ZC3H12B: variants seen among roughly 807,000 people sequenced by gnomAD.
ZC3H12B encodes the protein zinc finger CCCH-type containing 12B.
ZC3H12B carries 7 observed loss-of-function variants against 43.9 expected under a neutral mutation model. That is an observed-to-expected ratio of 0.16 (90% CI 0.09 to 0.30). The LOEUF (loss-of-function observed/expected upper bound fraction) is 0.30, where lower values mean the gene tolerates loss of function less well. ZC3H12B is among the 10% of genes least tolerant of loss of function. ZC3H12B has a pLI of 1.00. For synonymous variants in ZC3H12B, 222 were observed against 241.7 expected, an observed-to-expected ratio of 0.92 and a Z score of 0.76; for missense variants, 475 against 670.2, an observed-to-expected ratio of 0.71 and a Z score of 3.22.
At chrX:65,327,949 GT>G in the ZC3H12B span, 3 of 157,926 alleles carry the variant, frequency 1.9e-5, no homozygotes, top group African/African-American at 9.4e-5. Context: ...ACAAAAATAT[GT>G]TTACATAGAT....
At chrX:65,047,572 TTCTG>T in the ZC3H12B span, among the ~76,000 whole-genome samples, 3 of 111,352 alleles carry the variant, frequency 2.7e-5, no homozygotes, top group Non-Finnish European at 3.8e-5. Context: ...CTCTAATTTG[TTCTG>T]TCTTTCTCTG....
chrX:65,073,122 A>G, the ZC3H12B span, among the ~76,000 whole-genome samples: 2 of 111,985 alleles, frequency 1.8e-5, no homozygotes, highest in African/African-American at 6.5e-5. Flanking sequence ...CTGCAATGGT[A>G]TGGTTGGGGG....
chrX:65,496,231 T>G (rs2148234984), intron 1 of ZC3H12B, among the ~76,000 whole-genome samples: 1 of 112,278 alleles, frequency 8.9e-6, no homozygotes, highest in Admixed American at 9.5e-5. Flanking sequence ...ATCTTAAAAT[T>G]TTCATGAATA....
intron 3 of ZC3H12B, among the ~76,000 whole-genome samples, chrX:65,453,298 CAT>C (rs374901211): frequency 1.7e-4 from 17 of 97,414 alleles, no homozygotes; most frequent in Admixed American, 8.3e-4. Flanking sequence ...GTTGCACACA[CAT>C]GTTTATAGGC....
chrX:65,181,075 A>G, the ZC3H12B span, among the ~76,000 whole-genome samples: 1 of 111,482 alleles, frequency 9.0e-6, no homozygotes, highest in Non-Finnish European at 1.9e-5. Flanking sequence ...ATGGAACATA[A>G]CAGAGGCCTC....
chrX:65,382,992 T>C (rs2066465417), intron 2 of ZC3H12B, among the ~76,000 whole-genome samples: 1 of 111,177 alleles, frequency 9.0e-6, no homozygotes, highest in Non-Finnish European at 1.9e-5. Flanking sequence ...TGCTCATGGG[T>C]AGGAAGAACC....
At chrX:65,328,110 G>A in the ZC3H12B span, 2 of 243,668 alleles carry the variant, frequency 8.2e-6, no homozygotes, top group African/African-American at 5.8e-5. Flanking sequence ...AATAAAGCAA[G>A]GCTTTTCTCA....
At chrX:65,219,809 TACACACACACACACAC>T in the ZC3H12B span, among the ~76,000 whole-genome samples, 14 of 76,707 alleles carry the variant, frequency 1.8e-4, no homozygotes, top group African/African-American at 5.1e-4. Context: ...TACACACACA[TACACACACACACACAC>T]ACACACACAC....
the ZC3H12B span, among the ~76,000 whole-genome samples, chrX:65,119,135 C>A: frequency 1.8e-5 from 2 of 111,452 alleles, no homozygotes; most frequent in East Asian, 5.7e-4. Flanking sequence ...TTTCTAGCAG[C>A]ATGATTTATA....
the ZC3H12B span, among the ~76,000 whole-genome samples, chrX:65,180,609 A>T: frequency 9.0e-6 from 1 of 111,658 alleles, no homozygotes; most frequent in African/African-American, 3.2e-5. Context: ...AAGCATTTCT[A>T]TACACCAATA....
chrX:65,300,829 C>T, the ZC3H12B span, among the ~76,000 whole-genome samples: 1 of 111,237 alleles, frequency 9.0e-6, no homozygotes, highest in Admixed American at 9.6e-5. Flanking sequence ...ACTTCACTCC[C>T]CTGCTACTTT....
At chrX:65,320,927 C>T in the ZC3H12B span, among the ~76,000 whole-genome samples, 1 of 112,052 alleles carries the variant, frequency 8.9e-6, no homozygotes. Flanking sequence ...AAATGTAAAA[C>T]CAAAAACTAT....
chrX:65,396,139 G>A (rs189434599), intron 2 of ZC3H12B, among the ~76,000 whole-genome samples: 1 of 111,326 alleles, frequency 9.0e-6, no homozygotes, highest in East Asian at 2.8e-4. Context: ...ACCATCTCCT[G>A]GATTCATGGA....
chrX:65,414,976 A>G (rs1460455806), intron 3 of ZC3H12B, among the ~76,000 whole-genome samples: 1 of 112,285 alleles, frequency 8.9e-6, no homozygotes, highest in Non-Finnish European at 1.9e-5. Context: ...ACCTAAGAAC[A>G]TGTGCCCAAC....
At chrX:65,145,709 C>G in the ZC3H12B span, among the ~76,000 whole-genome samples, 1 of 110,840 alleles carries the variant, frequency 9.0e-6, no homozygotes, top group African/African-American at 3.3e-5. Flanking sequence ...ATTTGTTTGT[C>G]TGAAGAAGAA....
the ZC3H12B span, among the ~76,000 whole-genome samples, chrX:65,127,800 G>A: frequency 7.2e-5 from 8 of 110,857 alleles, no homozygotes; most frequent in Admixed American, 6.7e-4. Flanking sequence ...TCAGGAAGTA[G>A]GGGAAAGCTG....
intron 3 of ZC3H12B, among the ~76,000 whole-genome samples, chrX:65,475,885 C>A (rs1013733142): frequency 8.0e-5 from 9 of 112,095 alleles, no homozygotes; most frequent in African/African-American, 2.9e-4. Flanking sequence ...GGGTCCCTCC[C>A]ATGACACATG....
the ZC3H12B span, among the ~76,000 whole-genome samples, chrX:65,333,407 C>A: frequency 1.8e-5 from 2 of 111,632 alleles, no homozygotes; most frequent in Non-Finnish European, 3.8e-5. Flanking sequence ...CTGGAGAAAT[C>A]AGGTAGAGAG....
At chrX:65,042,720 A>G in the ZC3H12B span, among the ~76,000 whole-genome samples, 1 of 112,207 alleles carries the variant, frequency 8.9e-6, no homozygotes, top group Non-Finnish European at 1.9e-5. Flanking sequence ...GGTTGTACAT[A>G]ATAAAGGTGT....
Sources: allele counts gnomAD v4.1 joint callset (sites outside exome capture counted in the v4.1 genomes callset), GRCh38; gene constraint gnomAD v4.1.1; transcripts MANE v1.5; gene names NCBI Gene and HGNC (gene_info 2026-07-23, HGNC 2026-07-21).